The following CAP2 variants were observed in gnomAD, a reference collection of about 807,000 sequenced individuals.
The protein encoded by CAP2 is adenylyl cyclase-associated protein 2.
A neutral mutation model predicts 57.7 loss-of-function variants in CAP2; 24 were observed. The ratio of observed to expected loss-of-function variants is 0.42; its 90% CI spans 0.30 to 0.58. The LOEUF is 0.58. CAP2 is among the 20% of genes least tolerant of loss of function. The pLI is 0.22. For missense variants in CAP2, 501 were observed against 590.3 expected (o/e 0.85, Z 1.57); for synonymous variants, 194 against 207.2 (o/e 0.94, Z 0.55).
intron 3 of CAP2, among the ~76,000 whole-genome samples, chr6:17,458,278 A>G (rs1260641276): frequency 6.6e-6 from 1 of 152,240 alleles, no homozygotes; most frequent in Admixed American, 6.5e-5. Flanking sequence ...TCAGGCTACC[A>G]GGATAAAGAG....
At chr6:17,529,651 A>AAAAAATATATAT (rs10656588) in intron 7 of CAP2, among the ~76,000 whole-genome samples, 8 of 134,530 alleles carry the variant, frequency 5.9e-5, no homozygotes, top group Non-Finnish European at 9.2e-5. Context: ...AAAAAAAAAA[A>AAAAAATATATAT]ATATATATAT....
intron 3 of CAP2, among the ~76,000 whole-genome samples, chr6:17,462,713 C>T (rs1206323786): frequency 1.3e-5 from 2 of 152,160 alleles, no homozygotes; most frequent in African/African-American, 2.4e-5. Flanking sequence ...TCACCTATGT[C>T]GTAGCAGGTG....
At chr6:17,476,351 T>A (rs1761150265) in intron 4 of CAP2, among the ~76,000 whole-genome samples, 2 of 152,214 alleles carry the variant, frequency 1.3e-5, no homozygotes, top group South Asian at 4.1e-4. Flanking sequence ...TCATCAATAA[T>A]AATTTTATTT....
intron 4 of CAP2, among the ~76,000 whole-genome samples, chr6:17,482,539 AG>A (rs1424542207): frequency 1.5e-4 from 20 of 134,388 alleles, no homozygotes; most frequent in African/African-American, 5.0e-4. Flanking sequence ...AAAAAAAAAA[AG>A]TCTAGGCATG....
At chr6:17,442,894 G>A (rs765484490) in intron 3 of CAP2, among the ~76,000 whole-genome samples, 39 of 151,778 alleles carry the variant, frequency 2.6e-4, no homozygotes, top group Non-Finnish European at 4.3e-4. Flanking sequence ...ATTTTTCTGC[G>A]TTTAGTAGAG....
chr6:17,533,078 CAAAAAAAA>C (rs58337644), intron 7 of CAP2, among the ~76,000 whole-genome samples: 1 of 87,556 alleles, frequency 1.1e-5, no homozygotes, highest in African/African-American at 4.3e-5. Context: ...CACCCCCCAC[CAAAAAAAA>C]AAAAAAAAAA....
At chr6:17,443,654 A>G (rs1561785525) in intron 3 of CAP2, among the ~76,000 whole-genome samples, 1 of 152,026 alleles carries the variant, frequency 6.6e-6, no homozygotes, top group Non-Finnish European at 1.5e-5. Flanking sequence ...TATTGGCTAC[A>G]TGTAAGAAAA....
chr6:17,459,944 A>G (rs537224689), intron 3 of CAP2, among the ~76,000 whole-genome samples: 53 of 152,306 alleles, frequency 3.5e-4, no homozygotes, highest in African/African-American at 1.2e-3. Flanking sequence ...CAGAAGAGAC[A>G]CTGAAAGATG....
At chr6:17,424,261 G>C (rs142622830) in intron 2 of CAP2, among the ~76,000 whole-genome samples, 1 of 152,022 alleles carries the variant, frequency 6.6e-6, no homozygotes, top group African/African-American at 2.4e-5. Flanking sequence ...TTAGCTGGGC[G>C]TGGTGGCGGG....
rs1763330892 is a variant in CAP2, at chr6:17,557,067, A to G, written c.*625A>G. The G allele has an allele frequency of 6.6e-6, 1 of 152,216 alleles. No homozygotes were observed. Among genetic ancestry groups the G allele is most frequent in the African/African-American group, 2.4e-5 (1 of 41,458 alleles). The allele number at this position is 152,216 out of a possible 1,614,324, so 9.4% of individuals were successfully genotyped here. A position where few individuals can be genotyped will look rare whatever the true frequency, so the allele number is the denominator to read the frequency against. Reference sequence around the variant, plus strand: ...TGTAGTTACTGAAAACCGAAAGTCAATTCTAATTATTCATCTTACATATTT... The same window carrying G: ...TGTAGTTACTGAAAACCGAAAGTCAGTTCTAATTATTCATCTTACATATTT... On this transcript the variant is annotated 3_prime_UTR_variant, in exon 13 of 13. Transcript: ENST00000229922.
chr6:17,543,280 C>T, intron 11 of CAP2, 137 bp downstream of exon 11: 1 of 710,982 alleles, frequency 1.4e-6, no homozygotes, highest in South Asian at 1.7e-5. Context: ...TCCAACCACA[C>T]TGTAAGCTGC....
At chr6:17,537,325 T>C (rs1003370244) in intron 7 of CAP2, among the ~76,000 whole-genome samples, 21 of 152,238 alleles carry the variant, frequency 1.4e-4, no homozygotes, top group African/African-American at 4.6e-4. Flanking sequence ...TAGCTGGGAC[T>C]ACAGGCATGC....
At chr6:17,408,949 G>A (rs1334354347) in intron 1 of CAP2, among the ~76,000 whole-genome samples, 1 of 151,652 alleles carries the variant, frequency 6.6e-6, no homozygotes, top group Non-Finnish European at 1.5e-5. Flanking sequence ...GATTACAGGC[G>A]TGAGCAACCA....
Position 17,541,007 on chromosome 6 carries a change from C to T in CAP2, c.861C>T (p.Tyr287=), listed in dbSNP as rs753468110. The T allele has an allele frequency of 4.3e-6, 7 of 1,614,030 alleles. No homozygotes were observed. The highest frequency in any genetic ancestry group is 5.9e-6 in the Non-Finnish European group (7 of 1,179,934). Residue 287 remains tyrosine, a synonymous_variant, in exon 9 of 13, where the codon TAC becomes TAT. Transcript: ENST00000229922. The part of the protein sequence containing the change: ...LRHVTDDQKT[Y]KNPSLRAQGG... Reference sequence around the variant, plus strand: ...ATGTCACAGATGACCAGAAGACATACAAAAATCCCAGCCTGCGGGCTCAAG... The same window carrying T: ...ATGTCACAGATGACCAGAAGACATATAAAAATCCCAGCCTGCGGGCTCAAG...
intron 1 of CAP2, among the ~76,000 whole-genome samples, chr6:17,410,059 A>C (rs764699178): frequency 6.6e-6 from 1 of 152,156 alleles, no homozygotes; most frequent in African/African-American, 2.4e-5. Flanking sequence ...TTGCATATGG[A>C]GGCATAGGCG....
At chr6:17,529,050 T>C (rs905161387) in intron 7 of CAP2, among the ~76,000 whole-genome samples, 1 of 139,806 alleles carries the variant, frequency 7.2e-6, no homozygotes, top group African/African-American at 2.9e-5. Flanking sequence ...ACCCCATCTC[T>C]ACAAAAAAAA....
chr6:17,528,973 T>C (rs765740417), intron 7 of CAP2, among the ~76,000 whole-genome samples: 3 of 152,086 alleles, frequency 2.0e-5, no homozygotes, highest in Non-Finnish European at 4.4e-5. Context: ...CCCAGCACTT[T>C]GGGAGGCCAA....
chr6:17,482,887 C>T (rs1477121523), intron 4 of CAP2, among the ~76,000 whole-genome samples: 1 of 152,188 alleles, frequency 6.6e-6, no homozygotes, highest in Non-Finnish European at 1.5e-5. Context: ...GGGGGGACAC[C>T]ACTCAGCCCG....
intron 2 of CAP2, among the ~76,000 whole-genome samples, chr6:17,425,483 A>G (rs925641373): frequency 6.6e-6 from 1 of 152,198 alleles, no homozygotes; most frequent in Non-Finnish European, 1.5e-5. Flanking sequence ...CCCAGAGTTC[A>G]TTATTACCTT....
Sources: gnomAD v4.1 joint callset for allele counts (sites outside exome capture counted in the v4.1 genomes callset) on GRCh38, gnomAD v4.1.1 for gene constraint, MANE v1.5 for transcripts, NCBI Gene and HGNC (gene_info 2026-07-23, HGNC 2026-07-21) for gene names.